The following GRM1 variants were observed in gnomAD, a reference collection of about 807,000 sequenced individuals.
GRM1 encodes the protein glutamate metabotropic receptor 1.
GRM1 carries 33 observed loss-of-function variants against 90.9 expected under a neutral mutation model. The observed-to-expected ratio is 0.36, with a 90% CI of 0.28 to 0.49. GRM1 has a LOEUF of 0.49. Among genes scored for constraint, GRM1 ranks in the 20% least tolerant of loss-of-function variants. The pLI, the probability that GRM1 is intolerant of heterozygous loss-of-function variation, is 0.99. For missense variants in GRM1, 1,190 were observed against 1,534.3 expected, an observed-to-expected ratio of 0.78 and a Z score of 3.75; for synonymous variants, 700 against 613.2, an observed-to-expected ratio of 1.14 and a Z score of -2.09.
intron 1 of GRM1, among the ~76,000 whole-genome samples, chr6:146,039,699 A>G (rs1791025224): frequency 6.6e-6 from 1 of 151,986 alleles, no homozygotes; most frequent in African/African-American, 2.4e-5. Context: ...AATTTTGTCA[A>G]GAGATGATTA....
chr6:146,135,478 G>A (rs1477566602), intron 1 of GRM1, among the ~76,000 whole-genome samples: 1 of 152,188 alleles, frequency 6.6e-6, no homozygotes, highest in Non-Finnish European at 1.5e-5. Flanking sequence ...GAAAACCTGG[G>A]CTAGACTTAC....
At chr6:146,242,655 A>G (rs1445735039) in intron 2 of GRM1, among the ~76,000 whole-genome samples, 3 of 152,030 alleles carry the variant, frequency 2.0e-5, no homozygotes, top group Non-Finnish European at 2.9e-5. Flanking sequence ...ACTTTTCTCT[A>G]TTCATTACCT....
chr6:146,419,772 G>A (rs1215713962), intron 7 of GRM1, among the ~76,000 whole-genome samples: 2 of 152,136 alleles, frequency 1.3e-5, no homozygotes, highest in East Asian at 3.9e-4. Context: ...CAGATCTCCT[G>A]AGAGCACACT....
chr6:146,207,434 G>C (rs2114634832), intron 2 of GRM1, among the ~76,000 whole-genome samples: 1 of 152,136 alleles, frequency 6.6e-6, no homozygotes, highest in South Asian at 2.1e-4. Context: ...TTTTTAACGG[G>C]GTTGTTTGTT....
chr6:146,216,073 T>G (rs755690004), intron 2 of GRM1, among the ~76,000 whole-genome samples: 1 of 152,134 alleles, frequency 6.6e-6, no homozygotes, highest in Non-Finnish European at 1.5e-5. Context: ...TTTAAGAAAA[T>G]ACTGTATATT....
Position 146,241,892 on chromosome 6 carries a change from G to C in GRM1, c.951-62719G>C, listed in dbSNP as rs1282178226. Among the ~76,000 whole-genome samples the C allele has an allele frequency of 2.0e-5, 3 of 152,206 alleles. No individual in the cohort carries two copies. The South Asian group carries it at 6.2e-4, about 32-fold the overall frequency. On this transcript the variant is annotated intron_variant, in intron 2 of 7. Coordinates refer to ENST00000282753, the MANE Select transcript of GRM1 (RefSeq NM_001278064.2). Reference sequence around the variant, plus strand: ...TGTTACTCTTTTCTTTTTGTCCAGTGGTGAAGGTTTCTGACTGTTCAGTAA... The same window carrying C: ...TGTTACTCTTTTCTTTTTGTCCAGTCGTGAAGGTTTCTGACTGTTCAGTAA...
chr6:146,211,930 C>T (rs1424313843), intron 2 of GRM1, among the ~76,000 whole-genome samples: 1 of 152,136 alleles, frequency 6.6e-6, no homozygotes, highest in Non-Finnish European at 1.5e-5. Context: ...AGATTTATTG[C>T]AGTGAATTGA....
At chr6:146,417,838 C>T (rs1208341066) in intron 7 of GRM1, among the ~76,000 whole-genome samples, 1 of 152,128 alleles carries the variant, frequency 6.6e-6, no homozygotes, top group Non-Finnish European at 1.5e-5. Flanking sequence ...ATCCTTTTCT[C>T]TTCCCCTCTG....
At chr6:146,224,535 T>C (rs1000784151) in intron 2 of GRM1, among the ~76,000 whole-genome samples, 2 of 152,140 alleles carry the variant, frequency 1.3e-5, no homozygotes, top group African/African-American at 4.8e-5. Flanking sequence ...AATTAATAAT[T>C]TTCTTCTAAC....
intron 2 of GRM1, among the ~76,000 whole-genome samples, chr6:146,229,264 G>A (rs995433408): frequency 4.0e-5 from 6 of 151,458 alleles, no homozygotes; most frequent in Admixed American, 6.6e-5. Context: ...GATTACAGGC[G>A]TGACCCAACA....
chr6:146,075,866 A>G (rs1428129719), intron 1 of GRM1, among the ~76,000 whole-genome samples: 2 of 151,902 alleles, frequency 1.3e-5, no homozygotes, highest in African/African-American at 4.8e-5. Flanking sequence ...CTGAATGTCC[A>G]CTCCTCTTTT....
At chr6:146,325,123 A>G (rs992624203) in intron 3 of GRM1, among the ~76,000 whole-genome samples, 13 of 152,210 alleles carry the variant, frequency 8.5e-5, no homozygotes, top group Admixed American at 3.9e-4. Flanking sequence ...TCAAAGTAAG[A>G]TTAAGCAATA....
chr6:146,345,049 G>T (rs935923440), intron 3 of GRM1, among the ~76,000 whole-genome samples: 1 of 152,104 alleles, frequency 6.6e-6, no homozygotes, highest in Non-Finnish European at 1.5e-5. Flanking sequence ...GATCTCAGGT[G>T]ATCCACCCTC....
At chr6:146,180,984 C>G (rs1185212732) in intron 2 of GRM1, among the ~76,000 whole-genome samples, 1 of 152,112 alleles carries the variant, frequency 6.6e-6, no homozygotes, top group African/African-American at 2.4e-5. Context: ...TGATAACACA[C>G]TTAAAACCCA....
chr6:146,093,774 G>A (rs555230580), intron 1 of GRM1, among the ~76,000 whole-genome samples: 15 of 152,084 alleles, frequency 9.9e-5, no homozygotes, highest in African/African-American at 3.6e-4. Flanking sequence ...CAGGAACAAA[G>A]AGCCACTCTC....
In GRM1 at chr6:146,249,401, G is replaced by A. The variant is rs185118727; in HGVS notation, c.951-55210G>A. On this transcript the variant is annotated intron_variant, in intron 2 of 7. Transcript: ENST00000282753. ...GTGCAGCTTTGGAACTTGGTGTCCC[G>A]CATCCCCGCGGTTCCAGCTCAAACA... Among the ~76,000 whole-genome samples, 573 of 152,170 alleles carry A rather than the reference G, an allele frequency of 3.8e-3. 2 individuals carry two copies. Among genetic ancestry groups the A allele is most frequent in the Middle Eastern group, 0.02 (6 of 294 alleles).
intron 7 of GRM1, among the ~76,000 whole-genome samples, chr6:146,405,822 C>G (rs1254268072): frequency 6.6e-6 from 1 of 152,082 alleles, no homozygotes; most frequent in Non-Finnish European, 1.5e-5. Context: ...TCTATTAGGG[C>G]TTCAATAGAT....
chr6:146,067,497 A>C (rs1361896108), intron 1 of GRM1, among the ~76,000 whole-genome samples: 1 of 152,142 alleles, frequency 6.6e-6, no homozygotes, highest in East Asian at 1.9e-4. Flanking sequence ...TTTTTTTGGA[A>C]TGGAATAGGA....
chr6:146,286,135 C>T (rs889633350), intron 2 of GRM1, among the ~76,000 whole-genome samples: 5 of 152,086 alleles, frequency 3.3e-5, no homozygotes, highest in African/African-American at 9.7e-5. Flanking sequence ...ATCAACATCT[C>T]TTTTAAAAAT....
Sources: gnomAD v4.1 joint callset for allele counts (sites outside exome capture counted in the v4.1 genomes callset) on GRCh38, gnomAD v4.1.1 for gene constraint, MANE v1.5 for transcripts, NCBI Gene and HGNC (gene_info 2026-07-23, HGNC 2026-07-21) for gene names.